GLCE: variants seen among roughly 807,000 people sequenced by gnomAD.
GLCE encodes the protein glucuronic acid epimerase.
In GLCE, 19 loss-of-function variants were observed where a neutral mutation model predicts 47.9. The observed-to-expected ratio is 0.40, with a 90% CI of 0.28 to 0.58. The LOEUF is 0.58. Among genes scored for constraint, GLCE ranks in the 20% least tolerant of loss-of-function variants. GLCE has a pLI of 0.48. For synonymous variants in GLCE, 245 were observed against 263.4 expected, an observed-to-expected ratio of 0.93 and a Z score of 0.68; for missense variants, 556 against 743.3, an observed-to-expected ratio of 0.75 and a Z score of 2.93.
chr15:69,228,201 A>T (rs1222945144), intron 2 of GLCE, among the ~76,000 whole-genome samples: 1 of 152,222 alleles, frequency 6.6e-6, no homozygotes, highest in Non-Finnish European at 1.5e-5. Flanking sequence ...AGGAACTATA[A>T]GTTGTCAAAA....
chr15:69,166,908 C>CA (rs34522584), intron 1 of GLCE, among the ~76,000 whole-genome samples: 745 of 42,306 alleles, frequency 0.018, 19 homozygotes, highest in African/African-American at 0.051. Context: ...GACTCTGTCT[C>CA]AAAAAAAAAA....
Position 69,194,379 on chromosome 15 carries a change from G to A in GLCE, c.-104-15937G>A, listed in dbSNP as rs28714170. 2.4e-3 allele frequency: 367 copies of A among 152,236 alleles called. 1 individual carries two copies. The highest frequency in any genetic ancestry group is 7.1e-3 in the East Asian group (37 of 5,176). The allele number at this position is 152,236 out of a possible 1,614,324, so 9.4% of individuals were successfully genotyped here. ...TTGGTTTGTGACCCACTTTTGGATT[G>A]CCTTAGAGTGTTCTTGCAGCTGGAA... On this transcript the variant is annotated intron_variant, in intron 1 of 4. Transcript: ENST00000261858.
intron 1 of GLCE, among the ~76,000 whole-genome samples, chr15:69,204,279 T>G (rs1348520821): frequency 3.0e-5 from 1 of 33,054 alleles, no homozygotes; most frequent in Admixed American, 4.7e-4. Flanking sequence ...TTGTTTTACT[T>G]TTTTTTTTTT....
chr15:69,256,036 T>A lies in GLCE; in HGVS notation c.230T>A (p.Phe77Tyr), dbSNP rs777750012. The A allele has an allele frequency of 1.1e-5, 17 of 1,613,936 alleles. No homozygotes were observed. The highest frequency in any genetic ancestry group is 4.2e-6 in the Non-Finnish European group (5 of 1,179,966). Reference protein sequence around the residue: ...HVAKQQSEEAFPQEQQKAPPV... With the variant: ...HVAKQQSEEAYPQEQQKAPPV... ...GCCAAACAACAGTCTGAGGAAGCAT[T>A]CCCTCAGGAACAGCAGAAAGCACCC... is the stretch of plus-strand genomic sequence containing the variant. The change falls in exon 3 of 5, where the codon TTC becomes TAC. Residue 77 changes from phenylalanine to tyrosine, a missense_variant. By Grantham distance (22) the Phe-to-Tyr change is conservative (BLOSUM62 3). This residue lies in a region of GLCE where 237 missense variants were observed against 310.9 expected (regional missense o/e 0.76). Transcript: ENST00000261858.
Position 69,255,940 on chromosome 15 carries a change from G to C in GLCE, c.134G>C (p.Ser45Thr), listed in dbSNP as rs146925203. 44 of 1,613,958 alleles carry C rather than the reference G, an allele frequency of 2.7e-5. No homozygotes were observed. The highest frequency in any genetic ancestry group is 3.6e-5 in the Non-Finnish European group (43 of 1,180,014). ...ATCCAGTTTCCACGGCGTTCGAGTAGTGGCTTCAGAGTGGATGGGTTTGAA... is the reference window on the plus strand; with the variant it reads ...ATCCAGTTTCCACGGCGTTCGAGTACTGGCTTCAGAGTGGATGGGTTTGAA... ...KAIQFPRRSS[S>T]GFRVDGFEKR... The change falls in exon 3 of 5, where the codon AGT becomes ACT. Residue 45 changes from serine (S) to threonine (T), a missense_variant. Coordinates refer to ENST00000261858, the MANE Select transcript of GLCE (RefSeq NM_015554.3).
intron 1 of GLCE, among the ~76,000 whole-genome samples, chr15:69,179,043 G>A (rs2051713641): frequency 6.6e-6 from 1 of 152,182 alleles, no homozygotes; most frequent in African/African-American, 2.4e-5. Flanking sequence ...TAAATAAGTT[G>A]TGTATGTGTT....
chr15:69,198,212 C>T (rs79211781), intron 1 of GLCE, among the ~76,000 whole-genome samples: 18,608 of 152,066 alleles, frequency 0.12, 1,202 homozygotes, highest in East Asian at 0.16. Flanking sequence ...ATGTCTCACC[C>T]ATTACTGGAT....
chr15:69,248,545 GAAGGA>G (rs2052788338), intron 2 of GLCE, among the ~76,000 whole-genome samples: 1 of 152,114 alleles, frequency 6.6e-6, no homozygotes, highest in African/African-American at 2.4e-5. Context: ...TTCAAGAAAG[GAAGGA>G]AAGGAGGGAG....
chr15:69,193,126 GAT>G (rs2051938170), intron 1 of GLCE, among the ~76,000 whole-genome samples: 1 of 150,668 alleles, frequency 6.6e-6, no homozygotes, highest in African/African-American at 2.4e-5. Context: ...CCTAAACTCT[GAT>G]ATATGTCTTT....
intron 2 of GLCE, among the ~76,000 whole-genome samples, chr15:69,251,697 G>A (rs2052846968): frequency 6.6e-6 from 1 of 151,974 alleles, no homozygotes; most frequent in Non-Finnish European, 1.5e-5. Context: ...TAAGTTTTTT[G>A]CTGGCTTTCT....
At chr15:69,219,361 A>G (rs1397956900) in intron 2 of GLCE, among the ~76,000 whole-genome samples, 3 of 152,174 alleles carry the variant, frequency 2.0e-5, no homozygotes, top group Non-Finnish European at 4.4e-5. Flanking sequence ...ATGTTAGTTG[A>G]CATTTGGTAA....
intron 2 of GLCE, among the ~76,000 whole-genome samples, chr15:69,215,365 A>G (rs1474710074): frequency 6.6e-6 from 1 of 152,142 alleles, no homozygotes; most frequent in South Asian, 2.1e-4. Context: ...ATTTAGCAAA[A>G]TACATTTTAA....
In GLCE at chr15:69,255,976, C is replaced by T. The variant is rs1466895871; in HGVS notation, c.170C>T (p.Ala57Val). The T allele has an allele frequency of 3.1e-6, 5 of 1,613,954 alleles. No homozygotes were observed. ...GTGGATGGGTTTGAAAAAAGAGCAGCAGCATCTGAGAGTAACAACTATATG... is the reference window on the plus strand; with the variant it reads ...GTGGATGGGTTTGAAAAAAGAGCAGTAGCATCTGAGAGTAACAACTATATG... ...FRVDGFEKRAAASESNNYMNH... is the reference protein window; with the variant it reads ...FRVDGFEKRAVASESNNYMNH... The change falls in exon 3 of 5, where the codon GCA becomes GTA. Residue 57 changes from alanine (A) to valine (V), a missense_variant. Physicochemically the swap from Ala to Val is moderately conservative, Grantham distance 64 (BLOSUM62 0). This residue lies in a region of GLCE where 237 missense variants were observed against 310.9 expected (regional missense o/e 0.76). Coordinates refer to ENST00000261858, the MANE Select transcript of GLCE (RefSeq NM_015554.3).
intron 1 of GLCE, among the ~76,000 whole-genome samples, chr15:69,191,257 C>T (rs566425724): frequency 1.1e-4 from 17 of 152,180 alleles, no homozygotes; most frequent in South Asian, 2.1e-4. Context: ...CAGATTTTCT[C>T]GGCTTTTATG....
At chr15:69,242,412 A>G (rs941517484) in intron 2 of GLCE, among the ~76,000 whole-genome samples, 4 of 152,016 alleles carry the variant, frequency 2.6e-5, no homozygotes, top group Non-Finnish European at 5.9e-5. Flanking sequence ...GAGAGCGGAA[A>G]TCGTTTCTAT....
chr15:69,163,330 C>T (rs1383855098), intron 1 of GLCE, among the ~76,000 whole-genome samples: 1 of 152,182 alleles, frequency 6.6e-6, no homozygotes. Context: ...CTGATTAAAG[C>T]TGTCATGTGA....
At chr15:69,163,995 G>T (rs2051464305) in intron 1 of GLCE, among the ~76,000 whole-genome samples, 1 of 152,058 alleles carries the variant, frequency 6.6e-6, no homozygotes. Flanking sequence ...TGTTAAGTTT[G>T]TTGGATATTT....
In GLCE at chr15:69,243,036, G is replaced by A. The variant is rs571069481; in HGVS notation, c.-13-12758G>A. 9.6e-5 allele frequency among the ~76,000 whole-genome samples: 12 copies of A among 125,198 alleles called. No homozygotes were observed. In the East Asian group the frequency reaches 3.0e-3, roughly 31 times the overall value. The allele number at this position is 125,198 out of a possible 152,430, so 82.1% of individuals were successfully genotyped here. A position where few individuals can be genotyped will look rare whatever the true frequency, so the allele number is the denominator to read the frequency against. ...CATGGCACTGCACTCCAGCCTGGGTGACAGAGTGAGAGATCCTGTCCAAAA... is the reference window on the plus strand; with the variant it reads ...CATGGCACTGCACTCCAGCCTGGGTAACAGAGTGAGAGATCCTGTCCAAAA... On this transcript the variant is annotated intron_variant, in intron 2 of 4. Transcript: ENST00000261858.
intron 2 of GLCE, among the ~76,000 whole-genome samples, chr15:69,234,789 G>A (rs1005652804): frequency 6.6e-6 from 1 of 152,140 alleles, no homozygotes; most frequent in Non-Finnish European, 1.5e-5. Context: ...AGAAAATTGT[G>A]CAGCTGGGAA....
Sources: gnomAD v4.1 joint callset for allele counts (sites outside exome capture counted in the v4.1 genomes callset) on GRCh38, gnomAD v4.1.1 for gene constraint, gnomAD v4.1.1 regional missense constraint, MANE v1.5 for transcripts, NCBI Gene and HGNC (gene_info 2026-07-23, HGNC 2026-07-21) for gene names.